Variants in BFSP2 observed in about 807,000 individuals in gnomAD.
BFSP2 encodes phakinin.
Under a neutral mutation model 44.9 loss-of-function variants are expected in BFSP2, and 38 were observed. The ratio of observed to expected loss-of-function variants is 0.85; its 90% CI spans 0.65 to 1.11. The LOEUF (loss-of-function observed/expected upper bound fraction) is 1.11. Among genes scored for constraint, BFSP2 ranks in the 50% least tolerant of loss-of-function variants. The pLI, the probability that BFSP2 is intolerant of heterozygous loss-of-function variation, is 0.00. For missense variants in BFSP2, 525 were observed against 533.0 expected (o/e 0.99, Z 0.15); for synonymous variants, 197 against 209.9 (o/e 0.94, Z 0.53).
intron 1 of BFSP2, among the ~76,000 whole-genome samples, chr3:133,407,358 T>A (rs1423645137): frequency 1.3e-5 from 2 of 152,194 alleles, no homozygotes; most frequent in African/African-American, 4.8e-5. Flanking sequence ...CAAATCTATC[T>A]GAAACACACA....
At chr3:133,430,922 C>T (rs1317546856) in intron 1 of BFSP2, among the ~76,000 whole-genome samples, 3 of 152,094 alleles carry the variant, frequency 2.0e-5, no homozygotes, top group East Asian at 1.9e-4. Context: ...GGTTTCATTC[C>T]GTGACTAGCC....
intron 1 of BFSP2, among the ~76,000 whole-genome samples, chr3:133,435,853 C>T (rs996002313): frequency 6.6e-6 from 1 of 152,190 alleles, no homozygotes; most frequent in Non-Finnish European, 1.5e-5. Flanking sequence ...TCCCCATAAA[C>T]TTTTCATAAA....
At chr3:133,425,590 C>T (rs2073636745) in intron 1 of BFSP2, among the ~76,000 whole-genome samples, 1 of 152,088 alleles carries the variant, frequency 6.6e-6, no homozygotes, top group Admixed American at 6.5e-5. Flanking sequence ...AATAGAATGT[C>T]CAGTTGATAT....
At chr3:133,446,382 C>T in intron 1 of BFSP2, among the ~76,000 whole-genome samples, 1 of 151,342 alleles carries the variant, frequency 6.6e-6, no homozygotes, top group Non-Finnish European at 1.5e-5. Context: ...TATTGTGCCA[C>T]TGCACTCCAG....
At chr3:133,455,393 G>A (rs892949312) in intron 4 of BFSP2, 1 of 152,208 alleles carries the variant, frequency 6.6e-6, no homozygotes, top group Non-Finnish European at 1.5e-5. Context: ...CCTTGCAGAT[G>A]TAGGCTTGAG....
chr3:133,437,067 C>T (rs992686565), intron 1 of BFSP2, among the ~76,000 whole-genome samples: 1 of 152,182 alleles, frequency 6.6e-6, no homozygotes, highest in Non-Finnish European at 1.5e-5. Flanking sequence ...AATAAACATA[C>T]GTGTGCATGT....
At chr3:133,433,458 C>T (rs969135960) in intron 1 of BFSP2, among the ~76,000 whole-genome samples, 21 of 152,308 alleles carry the variant, frequency 1.4e-4, no homozygotes, top group Non-Finnish European at 2.9e-4. Context: ...GGCCCCCTCC[C>T]TTTCCTACAC....
At chr3:133,434,101 T>C (rs1207190155) in intron 1 of BFSP2, among the ~76,000 whole-genome samples, 1 of 152,176 alleles carries the variant, frequency 6.6e-6, no homozygotes, top group Non-Finnish European at 1.5e-5. Context: ...TTGGTGCTAT[T>C]CCCAAACCGC....
chr3:133,402,237 C>T (rs1357806595), intron 1 of BFSP2, among the ~76,000 whole-genome samples: 1 of 152,218 alleles, frequency 6.6e-6, no homozygotes, highest in Non-Finnish European at 1.5e-5. Flanking sequence ...AGTAGGGCCA[C>T]AAAACTTAGT....
intron 1 of BFSP2, among the ~76,000 whole-genome samples, chr3:133,415,084 C>T (rs2107886110): frequency 7.4e-6 from 1 of 135,716 alleles, no homozygotes; most frequent in Admixed American, 7.2e-5. Flanking sequence ...TTGCCCCAGT[C>T]CTCTCCCCTC....
chr3:133,448,880 G>A (rs1576586854), intron 3 of BFSP2: 1 of 548,702 alleles, frequency 1.8e-6, no homozygotes, highest in Non-Finnish European at 3.2e-6. Context: ...ACAGGGGAAG[G>A]CAGCCAGTCT....
At chr3:133,403,040 G>C (rs2073374699) in intron 1 of BFSP2, among the ~76,000 whole-genome samples, 1 of 152,146 alleles carries the variant, frequency 6.6e-6, no homozygotes, top group Non-Finnish European at 1.5e-5. Flanking sequence ...ATTGAGAAAT[G>C]CTCCTGATTT....
chr3:133,469,473 ACT>A (rs765307503), intron 5 of BFSP2, among the ~76,000 whole-genome samples: 1 of 152,142 alleles, frequency 6.6e-6, no homozygotes, highest in Non-Finnish European at 1.5e-5. Context: ...GACCTGCTGA[ACT>A]CTGTGTCCAG....
intron 1 of BFSP2, among the ~76,000 whole-genome samples, chr3:133,413,873 A>G (rs1047678731): frequency 4.6e-5 from 7 of 151,970 alleles, no homozygotes; most frequent in African/African-American, 1.7e-4. Context: ...CTAACTAAAT[A>G]ACACTACAGT....
chr3:133,419,123 C>G (rs1317755412), intron 1 of BFSP2, among the ~76,000 whole-genome samples: 2 of 152,208 alleles, frequency 1.3e-5, no homozygotes, highest in African/African-American at 2.4e-5. Context: ...CACAGGCTTC[C>G]CTCTGTACAT....
intron 1 of BFSP2, among the ~76,000 whole-genome samples, chr3:133,407,763 T>C (rs543022503): frequency 8.5e-5 from 13 of 152,292 alleles, no homozygotes; most frequent in African/African-American, 3.1e-4. Flanking sequence ...GAAGGCAGCA[T>C]TTGAAACCAA....
chr3:133,421,499 T>A (rs1463922376), intron 1 of BFSP2, among the ~76,000 whole-genome samples: 1 of 152,208 alleles, frequency 6.6e-6, no homozygotes, highest in African/African-American at 2.4e-5. Context: ...GTGTCCAAAT[T>A]TTCCTCTTTT....
chr3:133,425,038 C>T (rs772427864), intron 1 of BFSP2, among the ~76,000 whole-genome samples: 1 of 152,204 alleles, frequency 6.6e-6, no homozygotes, highest in African/African-American at 2.4e-5. Flanking sequence ...GGTGTAACTA[C>T]TGTCACGTGT....
chr3:133,433,433 A>C (rs534798683), intron 1 of BFSP2, among the ~76,000 whole-genome samples: 130 of 152,230 alleles, frequency 8.5e-4, no homozygotes, highest in African/African-American at 1.3e-3. Context: ...TCTACTACTC[A>C]TCAGGGATTA....
Sources: gnomAD v4.1 joint callset for allele counts (sites outside exome capture counted in the v4.1 genomes callset) on GRCh38, gnomAD v4.1.1 for gene constraint, MANE v1.5 for transcripts, NCBI Gene and HGNC (gene_info 2026-07-23, HGNC 2026-07-21) for gene names.